FHIP1A: variants seen among roughly 807,000 people sequenced by gnomAD.
FHIP1A encodes FHF complex subunit HOOK-interacting protein 1A.
Under a neutral mutation model 88.6 loss-of-function variants are expected in FHIP1A, and 61 were observed. The ratio of observed to expected loss-of-function variants is 0.69; its 90% CI spans 0.56 to 0.85. FHIP1A has a LOEUF of 0.85. Among genes scored for constraint, FHIP1A ranks in the 40% least tolerant of loss-of-function variants. FHIP1A has a pLI of 0.00. For missense variants in FHIP1A, 1,154 were observed against 1,273.5 expected (o/e 0.91, Z 1.43); for synonymous variants, 478 against 496.0 (o/e 0.96, Z 0.48).
chr4:151,579,114 A>G (rs1578776665), intron 5 of FHIP1A, among the ~76,000 whole-genome samples: 2 of 152,246 alleles, frequency 1.3e-5, no homozygotes, highest in African/African-American at 4.8e-5. Flanking sequence ...GGGATGAATA[A>G]GCAAAGCACA....
At position 151,544,851 on chromosome 4, in the gene FHIP1A, A is replaced by G. The variant is rs760174645; in HGVS notation, c.-122-21287A>G. 6.4e-4 allele frequency among the ~76,000 whole-genome samples: 97 copies of G among 152,192 alleles called. 1 individual carries two copies. The highest frequency in any genetic ancestry group is 1.1e-3 in the Non-Finnish European group (75 of 68,002). ...GTGGAAGTTGGGAGGCTGAGGCAGG[A>G]GTTTGTCTTGAGCCCAGGTATTTGA... On this transcript the variant is annotated intron_variant, in intron 3 of 13. Coordinates refer to ENST00000435205, the MANE Select transcript of FHIP1A (RefSeq NM_001109977.3).
intron 3 of FHIP1A, among the ~76,000 whole-genome samples, chr4:151,549,470 G>A (rs1275330683): frequency 1.4e-5 from 2 of 147,258 alleles, no homozygotes; most frequent in African/African-American, 5.0e-5. Context: ...CAGCCTGGGC[G>A]AGAGAGTGAG....
At chr4:151,488,569 C>A (rs1191625239) in intron 3 of FHIP1A, among the ~76,000 whole-genome samples, 1 of 152,172 alleles carries the variant, frequency 6.6e-6, no homozygotes, top group East Asian at 1.9e-4. Flanking sequence ...GACTCTATGT[C>A]TTTACTATTG....
intron 11 of FHIP1A, among the ~76,000 whole-genome samples, chr4:151,654,738 G>A (rs2126920710): frequency 6.6e-6 from 1 of 152,270 alleles, no homozygotes; most frequent in African/African-American, 2.4e-5. Flanking sequence ...CCTATCCAGA[G>A]TTTCCAAATG....
In FHIP1A at chr4:151,459,931, T is replaced by TA. The variant is rs137923761; in HGVS notation, c.-248+5124dup. ...TTCAGCTTTTTGTATATATATTTTT[T>TA]ATCATATGACAGATGCTCTTAATTT... On this transcript the variant is annotated intron_variant, in intron 2 of 13. Coordinates refer to ENST00000435205, the MANE Select transcript of FHIP1A (RefSeq NM_001109977.3). Among the ~76,000 whole-genome samples the TA allele has an allele frequency of 1.6e-4, 24 of 152,322 alleles. No homozygotes were observed. The East Asian group carries it at 4.4e-3, about 28-fold the overall frequency.
chr4:151,649,177 CTTCT>C (rs1736905168), intron 10 of FHIP1A, among the ~76,000 whole-genome samples: 1 of 152,218 alleles, frequency 6.6e-6, no homozygotes, highest in South Asian at 2.1e-4. Context: ...ATCATCAGCT[CTTCT>C]TTCTCTAATG....
chr4:151,459,394 G>A (rs1001427416), intron 2 of FHIP1A, among the ~76,000 whole-genome samples: 20 of 152,120 alleles, frequency 1.3e-4, no homozygotes, highest in African/African-American at 4.6e-4. Context: ...AAGTGAGTAC[G>A]GGTGGGACCA....
chr4:151,540,106 T>C (rs1487339517), intron 3 of FHIP1A, among the ~76,000 whole-genome samples: 1 of 152,198 alleles, frequency 6.6e-6, no homozygotes, highest in Non-Finnish European at 1.5e-5. Flanking sequence ...TATGTGAAAA[T>C]GCTGGCAAAT....
intron 8 of FHIP1A, among the ~76,000 whole-genome samples, chr4:151,635,804 G>A (rs1336119546): frequency 1.3e-5 from 2 of 151,950 alleles, no homozygotes; most frequent in Admixed American, 1.3e-4. Flanking sequence ...GAGATCTGTT[G>A]CATAACAATG....
At chr4:151,631,016 G>A (rs1736138720) in intron 8 of FHIP1A, among the ~76,000 whole-genome samples, 1 of 152,074 alleles carries the variant, frequency 6.6e-6, no homozygotes, top group Non-Finnish European at 1.5e-5. Context: ...TGTTTAAAGG[G>A]AAATATATAG....
chr4:151,509,106 A>G (rs527988865), intron 3 of FHIP1A, among the ~76,000 whole-genome samples: 1 of 152,290 alleles, frequency 6.6e-6, no homozygotes, highest in East Asian at 1.9e-4. Context: ...AGGAGCTGGG[A>G]AGCAAACTGA....
intron 1 of FHIP1A, among the ~76,000 whole-genome samples, chr4:151,442,510 T>G (rs932239626): frequency 2.0e-5 from 3 of 152,146 alleles, no homozygotes; most frequent in Non-Finnish European, 4.4e-5. Context: ...CTATTTTCTT[T>G]TCTCTCACAT....
chr4:151,533,881 C>T (rs376957978), intron 3 of FHIP1A, among the ~76,000 whole-genome samples: 4 of 152,306 alleles, frequency 2.6e-5, no homozygotes, highest in African/African-American at 9.6e-5. Context: ...CAATCAGAAA[C>T]CCTGTATCAG....
At chr4:151,486,651 A>G (rs1295672983) in intron 3 of FHIP1A, among the ~76,000 whole-genome samples, 1 of 152,090 alleles carries the variant, frequency 6.6e-6, no homozygotes, top group Non-Finnish European at 1.5e-5. Flanking sequence ...AAGTCAGATT[A>G]TGTTCTGATT....
chr4:151,479,343 A>G (rs142175741), intron 2 of FHIP1A, among the ~76,000 whole-genome samples: 1 of 152,180 alleles, frequency 6.6e-6, no homozygotes, highest in African/African-American at 2.4e-5. Context: ...AGTGATAAGT[A>G]TGGGTCCATC....
At position 151,411,343 on chromosome 4, in the gene FHIP1A, A is replaced by ATTCTTTTTTTTTTTTTTTTT. The variant is rs370374898; in HGVS notation, c.-356+1879_-356+1880insTCTTTTTTTTTTTTTTTTTT. On this transcript the variant is annotated intron_variant, in intron 1 of 13. Transcript: ENST00000435205. ...AATTGCCTCTGAGGAGTGAAATTATATATATATTTTTTTTTTTTTAAAGTT... is the reference window on the plus strand; with the variant it reads ...AATTGCCTCTGAGGAGTGAAATTATATTCTTTTTTTTTTTTTTTTTTATATATTTTTTTTTTTTTAAAGTT... Among the ~76,000 whole-genome samples the ATTCTTTTTTTTTTTTTTTTT allele has an allele frequency of 1.1e-4, 12 of 112,248 alleles. 1 individual carries two copies. The highest frequency in any genetic ancestry group is 2.9e-4 in the African/African-American group (8 of 27,438). 73.6% of individuals were successfully genotyped at this position (112,248 alleles called of 152,430 possible). A position where few individuals can be genotyped will look rare whatever the true frequency, so the allele number is the denominator to read the frequency against.
chr4:151,588,744 TC>T, intron 6 of FHIP1A, 95 bp from the exon 7 acceptor site: 1 of 831,722 alleles, frequency 1.2e-6, no homozygotes, highest in Non-Finnish European at 2.0e-6. Context: ...AATGTGGATT[TC>T]CTTTTTGAGT....
chr4:151,463,366 G>C (rs1173252996), intron 2 of FHIP1A, among the ~76,000 whole-genome samples: 2 of 152,162 alleles, frequency 1.3e-5, no homozygotes, highest in African/African-American at 4.8e-5. Flanking sequence ...GATGCCAGTA[G>C]CTTTGAAGAG....
chr4:151,478,777 A>G (rs1362339889), intron 2 of FHIP1A, among the ~76,000 whole-genome samples: 1 of 152,102 alleles, frequency 6.6e-6, no homozygotes, highest in East Asian at 1.9e-4. Flanking sequence ...GACAATAACT[A>G]CTTAAAAAAA....
Sources: allele counts gnomAD v4.1 joint callset (sites outside exome capture counted in the v4.1 genomes callset), GRCh38; gene constraint gnomAD v4.1.1; transcripts MANE v1.5; gene names NCBI Gene and HGNC (gene_info 2026-07-23, HGNC 2026-07-21).